PKD1L1: variants seen among roughly 807,000 people sequenced by gnomAD.
The protein encoded by PKD1L1 is polycystin 1 like 1, transient receptor potential channel interacting, also known as polycystin-1-like protein 1.
PKD1L1 carries 236 observed loss-of-function variants against 323.4 expected under a neutral mutation model. The ratio of observed to expected loss-of-function variants is 0.73; its 90% CI spans 0.66 to 0.81. The LOEUF (loss-of-function observed/expected upper bound fraction) is 0.81. Ranked by LOEUF, PKD1L1 falls within the 40% of genes least tolerant of loss-of-function variation. The probability of loss-of-function intolerance (pLI) is 0.00; values close to 1 mark genes in which losing one functional copy is unlikely to be tolerated. For synonymous variants in PKD1L1, 1,344 were observed against 1,335.0 expected, an observed-to-expected ratio of 1.01 and a Z score of -0.15; for missense variants, 3,320 against 3,508.0, an observed-to-expected ratio of 0.95 and a Z score of 1.35.
Position 47,943,435 on chromosome 7 carries a change from G to C in PKD1L1, c.121C>G (p.Leu41Val). Residue 41 changes from leucine to valine, a missense_variant, in exon 2 of 57, where the codon CTG becomes GTG. Coordinates refer to ENST00000289672, the MANE Select transcript of PKD1L1 (RefSeq NM_138295.5). Reference sequence around the variant, plus strand: ...CCTCCAGGAGGGCTACAGCTGCACAGATGAAGACCCCAGCTCTTGTCAGTG... The same window carrying C: ...CCTCCAGGAGGGCTACAGCTGCACACATGAAGACCCCAGCTCTTGTCAGTG... ...VSTDKSWGLH[L>V]CSCSPPGGGL... 1 of 1,613,622 alleles carries C rather than the reference G, an allele frequency of 6.2e-7. No individual in the cohort carries two copies. Among genetic ancestry groups the C allele is most frequent in the South Asian group, 1.1e-5 (1 of 91,066 alleles).
chr7:47,797,718 C>G (rs1162545986), intron 54 of PKD1L1, among the ~76,000 whole-genome samples: 1 of 152,196 alleles, frequency 6.6e-6, no homozygotes, highest in Non-Finnish European at 1.5e-5. Context: ...TGCCCCCTGT[C>G]TAAAATGCTG....
At chr7:47,958,018 C>T in the PKD1L1 span, among the ~76,000 whole-genome samples, 19 of 151,534 alleles carry the variant, frequency 1.3e-4, no homozygotes, top group East Asian at 3.7e-3. Flanking sequence ...ATGTTCATAC[C>T]GTCCAAAGCA....
chr7:47,943,553 C>A, intron 1 of PKD1L1, 42 bp from the exon 2 acceptor site: 2 of 1,490,078 alleles, frequency 1.3e-6, no homozygotes, highest in Non-Finnish European at 9.3e-7. Context: ...AAATTAAGTA[C>A]AATCGTTTAA....
Position 47,853,163 on chromosome 7 carries a change from T to C in PKD1L1, c.4924A>G (p.Ile1642Val), listed in dbSNP as rs763406989. The C allele has an allele frequency of 7.4e-6, 12 of 1,613,776 alleles. No homozygotes were observed. The East Asian group carries it at 1.3e-4, about 18-fold the overall frequency. ...VKQIYFWDES[I>V]VQIYIPAASQ... ...GCAGCAGGTATATAAATCTGCACAA[T>C]TGACTCATCCCAGAAGTAGATCTGC... Residue 1642 changes from isoleucine (I) to valine (V), a missense_variant, in exon 31 of 57, where the codon ATT becomes GTT. Physicochemically the swap from Ile to Val is conservative, Grantham distance 29. Coordinates refer to ENST00000289672, the MANE Select transcript of PKD1L1 (RefSeq NM_138295.5).
chr7:47,866,334 C>T, intron 25 of PKD1L1, 85 bp downstream of exon 25: 1 of 1,413,844 alleles, frequency 7.1e-7, no homozygotes. Context: ...TAAGCATGAC[C>T]ACTTGCTAGT....
intron 17 of PKD1L1, among the ~76,000 whole-genome samples, chr7:47,886,326 G>A (rs898185202): frequency 6.6e-6 from 1 of 152,014 alleles, no homozygotes; most frequent in African/African-American, 2.4e-5. Flanking sequence ...GGGGGGGAGG[G>A]ATCTGCTGAA....
intron 34 of PKD1L1, among the ~76,000 whole-genome samples, chr7:47,841,808 T>C (rs1215446368): frequency 2.0e-5 from 3 of 152,204 alleles, no homozygotes; most frequent in Non-Finnish European, 4.4e-5. Context: ...AAGAGGTTCT[T>C]GTTTTCAACT....
chr7:47,904,938 CA>C (rs1023103584), intron 11 of PKD1L1, among the ~76,000 whole-genome samples: 6 of 152,264 alleles, frequency 3.9e-5, no homozygotes, highest in African/African-American at 1.4e-4. Flanking sequence ...CTGTCTGCTT[CA>C]AAGCCCTACA....
At chr7:47,882,600 C>T (rs543064328) in intron 19 of PKD1L1, among the ~76,000 whole-genome samples, 28 of 150,760 alleles carry the variant, frequency 1.9e-4, no homozygotes, top group African/African-American at 3.7e-4. Context: ...CTAGAAGGAG[C>T]CCTTCAAGCA....
chr7:47,836,058 C>T (rs937467710), intron 37 of PKD1L1, among the ~76,000 whole-genome samples: 1 of 152,246 alleles, frequency 6.6e-6, no homozygotes, highest in Admixed American at 6.5e-5. Context: ...TAGGTTTCCT[C>T]ACCACAGGCC....
At chr7:47,808,523 G>A in intron 51 of PKD1L1, 136 bp from the exon 52 acceptor site, 1 of 1,057,006 alleles carries the variant, frequency 9.5e-7, no homozygotes, top group Non-Finnish European at 1.4e-6. Flanking sequence ...TGCATCGCTG[G>A]GTGATTTTGT....
At position 47,922,812 on chromosome 7, in the gene PKD1L1, C is replaced by T. The variant is rs545506893; in HGVS notation, c.1060+6392G>A. 2.0e-3 allele frequency among the ~76,000 whole-genome samples: 305 copies of T among 152,280 alleles called. 3 individuals carry two copies. The highest frequency in any genetic ancestry group is 7.0e-3 in the African/African-American group (290 of 41,572). On this transcript the variant is annotated intron_variant, in intron 7 of 56. Coordinates refer to ENST00000289672, the MANE Select transcript of PKD1L1 (RefSeq NM_138295.5). ...CTGGGAAGTGGGGAGCCCCTCTGCCCGGCCGCCACCCTGTCTGGGAGGTGT... is the reference window on the plus strand; with the variant it reads ...CTGGGAAGTGGGGAGCCCCTCTGCCTGGCCGCCACCCTGTCTGGGAGGTGT...
At chr7:47,814,747 C>T (rs957082329) in intron 47 of PKD1L1, among the ~76,000 whole-genome samples, 3 of 152,080 alleles carry the variant, frequency 2.0e-5, no homozygotes, top group South Asian at 4.1e-4. Flanking sequence ...CTCCTGACCT[C>T]GTGATCCACC....
At chr7:47,844,272 G>A (rs1335594779) in intron 33 of PKD1L1, among the ~76,000 whole-genome samples, 1 of 152,170 alleles carries the variant, frequency 6.6e-6, no homozygotes, top group African/African-American at 2.4e-5. Flanking sequence ...CCACCAACTA[G>A]TCTATAAAGT....
rs1351727094 is a variant in PKD1L1, at chr7:47,827,279, G to A, written c.6854+71C>T. ...AGAACAATCTCCCAGGAGGACCAGCGGCAGTGGGGTACTCCCTCCGAGAAG... is the reference window on the plus strand; with the variant it reads ...AGAACAATCTCCCAGGAGGACCAGCAGCAGTGGGGTACTCCCTCCGAGAAG... On this transcript the variant is annotated intron_variant, in intron 45 of 56. Transcript: ENST00000289672. 11 of 1,287,672 alleles carry A rather than the reference G, an allele frequency of 8.5e-6. No homozygotes were observed. In the East Asian group the frequency reaches 1.2e-4, roughly 14 times the overall value. 79.8% of individuals were successfully genotyped at this position (1,287,672 alleles called of 1,614,324 possible).
intron 36 of PKD1L1, among the ~76,000 whole-genome samples, chr7:47,838,333 C>G (rs1448861305): frequency 6.6e-6 from 1 of 152,184 alleles, no homozygotes; most frequent in Non-Finnish European, 1.5e-5. Flanking sequence ...CAAGGTCCGG[C>G]GACACTGGGG....
intron 26 of PKD1L1, among the ~76,000 whole-genome samples, chr7:47,863,557 C>T (rs1218921359): frequency 6.6e-6 from 1 of 152,100 alleles, no homozygotes; most frequent in East Asian, 1.9e-4. Flanking sequence ...GTCGTGAAGC[C>T]TAGAGAAGAG....
the PKD1L1 span, among the ~76,000 whole-genome samples, chr7:47,954,630 A>T: frequency 6.6e-6 from 1 of 152,182 alleles, no homozygotes; most frequent in African/African-American, 2.4e-5. Flanking sequence ...TAAATGACTC[A>T]GTCTGTGGGA....
In PKD1L1 at chr7:47,805,086, T is replaced by TACAC. The variant is rs59085691; in HGVS notation, c.7828-1746_7828-1743dup. ...ATATGTTTGAATGTGCCTGTACAAATACACACACACACACACACACACACA... is the reference window on the plus strand; with the variant it reads ...ATATGTTTGAATGTGCCTGTACAAATACACACACACACACACACACACACACACA... On this transcript the variant is annotated intron_variant, in intron 52 of 56. Coordinates refer to ENST00000289672, the MANE Select transcript of PKD1L1 (RefSeq NM_138295.5). Among the ~76,000 whole-genome samples, 1,332 of 150,162 alleles carry TACAC rather than the reference T, an allele frequency of 8.9e-3. 6 individuals carry two copies. The highest frequency in any genetic ancestry group is 0.013 in the Non-Finnish European group (880 of 67,432).
Sources: allele counts gnomAD v4.1 joint callset (sites outside exome capture counted in the v4.1 genomes callset), GRCh38; gene constraint gnomAD v4.1.1; transcripts MANE v1.5; gene names NCBI Gene and HGNC (gene_info 2026-07-23, HGNC 2026-07-21).